The following STK38L variants were observed in gnomAD, a reference collection of about 807,000 sequenced individuals.
STK38L encodes serine/threonine-protein kinase 38-like.
Under a neutral mutation model 59.7 loss-of-function variants are expected in STK38L, and 28 were observed. That is an observed-to-expected ratio of 0.47 (90% CI 0.35 to 0.64). The LOEUF (loss-of-function observed/expected upper bound fraction) is 0.64, where lower values mean the gene tolerates loss of function less well. STK38L is among the 30% of genes least tolerant of loss of function. STK38L has a pLI of 0.01. For synonymous variants in STK38L, 162 were observed against 176.8 expected (o/e 0.92, Z 0.66); for missense variants, 314 against 555.8 (o/e 0.56, Z 4.37).
Position 27,297,839 on chromosome 12 carries a change from A to G in STK38L, c.119A>G (p.Glu40Gly), listed in dbSNP as rs912875222. ...NFYSNLILQH[E>G]ERETRQKKLE... ...TATAGCAACCTAATTTTACAGCATG[A>G]AGAGAGAGAAACCAGGTATAGTAAG... Residue 40 changes from glutamate to glycine, a missense_variant, in exon 2 of 14, where the codon GAA (glutamate) becomes GGA (glycine). Physicochemically the swap from Glu to Gly is moderately conservative, Grantham distance 98 (BLOSUM62 -2). This residue lies in a region of STK38L where 192 missense variants were observed against 316.9 expected (regional missense o/e 0.61). Transcript: ENST00000389032. The G allele has an allele frequency of 6.2e-7, 1 of 1,614,120 alleles. No individual in the cohort carries two copies. The highest frequency in any genetic ancestry group is 8.5e-7 in the Non-Finnish European group (1 of 1,180,014).
At chr12:27,291,935 A>G (rs1591902336) in intron 1 of STK38L, among the ~76,000 whole-genome samples, 1 of 152,210 alleles carries the variant, frequency 6.6e-6, no homozygotes, top group Admixed American at 6.5e-5. Context: ...ATGGTTGGAG[A>G]TACCACATCT....
chr12:27,297,436 A>G (rs568499094), intron 1 of STK38L, among the ~76,000 whole-genome samples: 2 of 152,330 alleles, frequency 1.3e-5, no homozygotes, highest in African/African-American at 4.8e-5. Flanking sequence ...TGACCTTTGT[A>G]TATAAATGTG....
chr12:27,321,846 C>T (rs1944736162), intron 12 of STK38L, among the ~76,000 whole-genome samples: 1 of 152,102 alleles, frequency 6.6e-6, no homozygotes, highest in Admixed American at 6.6e-5. Flanking sequence ...GCACGATGTG[C>T]TTATTACCCA....
At chr12:27,249,306 G>A (rs981425650) in intron 1 of STK38L, among the ~76,000 whole-genome samples, 6 of 152,192 alleles carry the variant, frequency 3.9e-5, no homozygotes, top group Admixed American at 3.3e-4. Context: ...TGTGGTATGT[G>A]ATAACACTTC....
chr12:27,315,044 A>G lies in STK38L; in HGVS notation c.702A>G (p.Leu234=), dbSNP rs1344392311. The G allele has an allele frequency of 6.2e-7, 1 of 1,612,438 alleles. No individual in the cohort carries two copies. Among genetic ancestry groups the G allele is most frequent in the South Asian group, 1.1e-5 (1 of 90,622 alleles). Residue 234 remains leucine, a synonymous_variant, in exon 8 of 14, where the codon TTA becomes TTG. Transcript: ENST00000389032. ...ATGTAAAATTATCTGATTTTGGTTT[A>G]TGTACGGGATTAAAGAAAGCTCACA... ...KGHVKLSDFG[L]CTGLKKAHRT...
intron 1 of STK38L, among the ~76,000 whole-genome samples, chr12:27,277,248 A>G (rs961995394): frequency 6.6e-6 from 1 of 152,066 alleles, no homozygotes; most frequent in Non-Finnish European, 1.5e-5. Flanking sequence ...TCGTACTTTT[A>G]AAAGTATAAA....
At chr12:27,258,120 G>A (rs1376525806) in intron 1 of STK38L, among the ~76,000 whole-genome samples, 5 of 151,926 alleles carry the variant, frequency 3.3e-5, no homozygotes, top group Admixed American at 3.3e-4. Flanking sequence ...GCCTCCCAAA[G>A]TGTTAGGATT....
intron 1 of STK38L, among the ~76,000 whole-genome samples, chr12:27,271,131 C>T (rs11048956): frequency 0.07 from 10,583 of 152,150 alleles, 498 homozygotes; most frequent in Non-Finnish European, 0.11. Flanking sequence ...AAAACCAAGG[C>T]GCAGGCAGAT....
At chr12:27,263,661 G>A (rs1943247453) in intron 1 of STK38L, among the ~76,000 whole-genome samples, 1 of 152,190 alleles carries the variant, frequency 6.6e-6, no homozygotes, top group Admixed American at 6.5e-5. Flanking sequence ...TTAAAGAGAG[G>A]CTGGAACTGA....
intron 10 of STK38L, 70 bp from the exon 11 acceptor site, chr12:27,317,826 C>T: frequency 6.3e-7 from 1 of 1,575,798 alleles, no homozygotes; most frequent in Middle Eastern, 1.7e-4. Context: ...TCTTGTCGCA[C>T]ATGTTTGGTG....
In STK38L at chr12:27,315,339, AG is replaced by A; in HGVS notation, c.828del (p.Arg277AspfsTer35). The A allele has an allele frequency of 6.2e-7, 1 of 1,613,714 alleles. No homozygotes were observed. The highest frequency in any genetic ancestry group is 1.3e-5 in the African/African-American group (1 of 75,040). On this transcript the variant is annotated frameshift_variant, in exon 9 of 14. Transcript: ENST00000389032. LOFTEE classifies it high-confidence loss of function. ...GAAAGCAGAAACTTGGAAGAAGAAC[AG>A]GAGACAACTGGTGAGTCAACCAGTT... ...KRKAETWKKN[R>X]RQLAYSTVGT... is the part of the protein sequence containing the mutation.
Position 27,288,331 on chromosome 12 carries a change from TAAAAAATC to T in STK38L, c.-11-9378_-11-9371del, listed in dbSNP as rs531448025. Among the ~76,000 whole-genome samples the T allele has an allele frequency of 3.2e-3, 484 of 152,280 alleles. 3 individuals carry two copies. Among genetic ancestry groups the T allele is most frequent in the Non-Finnish European group, 2.2e-3 (149 of 68,024 alleles). ...ATTTTAAACTTTAAATTTCCCTATT[TAAAAAATC>T]TTTCGTCTTACTTTTGACGGACCCA... is the stretch of plus-strand genomic sequence containing the variant. On this transcript the variant is annotated intron_variant, in intron 1 of 13. Transcript: ENST00000389032.
chr12:27,253,655 G>A (rs144275392), intron 1 of STK38L, among the ~76,000 whole-genome samples: 20 of 152,304 alleles, frequency 1.3e-4, no homozygotes, highest in African/African-American at 4.6e-4. Context: ...AGGGAGAGGG[G>A]CACCTACTTG....
Position 27,312,777 on chromosome 12 carries a change from T to G in STK38L, c.517+105T>G, listed in dbSNP as rs565839422. On this transcript the variant is annotated intron_variant, in intron 6 of 13. Transcript: ENST00000389032. Reference sequence around the variant, plus strand: ...ACTTTTATATTCTTTGCTCTGAGGCTTTACATAGTCACAGTTTAAAAATAT... The same window carrying G: ...ACTTTTATATTCTTTGCTCTGAGGCGTTACATAGTCACAGTTTAAAAATAT... 92 of 1,356,852 alleles carry G rather than the reference T, an allele frequency of 6.8e-5. 1 individual carries two copies. In the South Asian group the frequency reaches 1.2e-3, roughly 18 times the overall value. 84.1% of individuals were successfully genotyped at this position (1,356,852 alleles called of 1,614,324 possible).
intron 1 of STK38L, among the ~76,000 whole-genome samples, chr12:27,262,758 C>CT (rs2136610992): frequency 6.8e-6 from 1 of 147,312 alleles, no homozygotes; most frequent in African/African-American, 2.5e-5. Flanking sequence ...TTAAAGTACA[C>CT]TAAGAATAAA....
intron 1 of STK38L, 36 bp from the exon 2 acceptor site, chr12:27,297,674 T>C (rs754288257): frequency 2.5e-5 from 39 of 1,569,910 alleles, no homozygotes; most frequent in South Asian, 5.9e-5. Flanking sequence ...GGGTTTTTTT[T>C]CCCACTGAAT....
At chr12:27,320,442 ATTTT>A (rs34281958) in intron 12 of STK38L, among the ~76,000 whole-genome samples, 1 of 91,900 alleles carries the variant, frequency 1.1e-5, no homozygotes. Context: ...AATTTTGTTG[ATTTT>A]TTTTTTTTTT....
chr12:27,253,125 A>T (rs1943012900), intron 1 of STK38L, among the ~76,000 whole-genome samples: 1 of 152,194 alleles, frequency 6.6e-6, no homozygotes, highest in South Asian at 2.1e-4. Flanking sequence ...ACGCAGAGGG[A>T]TTAGCATAAA....
At chr12:27,293,759 G>A (rs909978617) in intron 1 of STK38L, 6 of 152,202 alleles carry the variant, frequency 3.9e-5, no homozygotes, top group South Asian at 2.1e-4. Context: ...TGTGAGTCAT[G>A]TGTTATTTCT....
Sources: allele counts gnomAD v4.1 joint callset (sites outside exome capture counted in the v4.1 genomes callset), GRCh38; gene constraint gnomAD v4.1.1; regional missense constraint gnomAD v4.1.1; transcripts MANE v1.5; gene names NCBI Gene and HGNC (gene_info 2026-07-23, HGNC 2026-07-21).